Variants in CNTN5 observed in about 807,000 individuals in gnomAD.
The protein encoded by CNTN5 is contactin-5.
A neutral mutation model predicts 129.1 loss-of-function variants in CNTN5; 77 were observed. The observed-to-expected ratio is 0.60, with a 90% CI of 0.50 to 0.72. The LOEUF (loss-of-function observed/expected upper bound fraction) is 0.72. Among genes scored for constraint, CNTN5 ranks in the 30% least tolerant of loss-of-function variants. CNTN5 has a pLI of 0.00. For missense variants in CNTN5, 1,478 were observed against 1,328.8 expected (o/e 1.11, Z -1.75); for synonymous variants, 509 against 465.6 (o/e 1.09, Z -1.20).
intron 15 of CNTN5, among the ~76,000 whole-genome samples, chr11:100,208,942 C>G (rs1056755151): frequency 1.3e-5 from 2 of 152,282 alleles, no homozygotes; most frequent in East Asian, 3.9e-4. Flanking sequence ...TGGCTTGTCT[C>G]TACTCTAAGT....
intron 1 of CNTN5, among the ~76,000 whole-genome samples, chr11:99,215,957 A>C (rs1860094762): frequency 6.6e-6 from 1 of 152,210 alleles, no homozygotes; most frequent in South Asian, 2.1e-4. Context: ...ACAGGAACAC[A>C]CTGTGTAATG....
chr11:100,350,304 T>A (rs190539073), intron 23 of CNTN5, among the ~76,000 whole-genome samples: 1 of 151,732 alleles, frequency 6.6e-6, no homozygotes, highest in African/African-American at 2.4e-5. Flanking sequence ...TTCTCTAGCC[T>A]CATTCCTCAC....
At chr11:99,435,508 G>T (rs1943564294) in intron 2 of CNTN5, among the ~76,000 whole-genome samples, 1 of 152,110 alleles carries the variant, frequency 6.6e-6, no homozygotes, top group African/African-American at 2.4e-5. Flanking sequence ...AGACAGAAAT[G>T]ACATACGTCT....
At chr11:100,169,337 C>T (rs1443295229) in intron 13 of CNTN5, among the ~76,000 whole-genome samples, 2 of 151,870 alleles carry the variant, frequency 1.3e-5, no homozygotes, top group East Asian at 1.9e-4. Context: ...CAAACTGTAT[C>T]GTTGTCTTAT....
chr11:99,958,891 C>A (rs530561684), intron 8 of CNTN5, among the ~76,000 whole-genome samples: 2 of 152,082 alleles, frequency 1.3e-5, no homozygotes, highest in Non-Finnish European at 2.9e-5. Flanking sequence ...GCTCTTCCAC[C>A]TTCTTTTCAC....
At chr11:99,529,403 A>G (rs1208526250) in intron 2 of CNTN5, among the ~76,000 whole-genome samples, 1 of 152,244 alleles carries the variant, frequency 6.6e-6, no homozygotes, top group East Asian at 1.9e-4. Context: ...ACCATACTTC[A>G]TTTCCAAATA....
chr11:99,921,494 T>G (rs555068703), intron 7 of CNTN5, among the ~76,000 whole-genome samples: 5 of 152,216 alleles, frequency 3.3e-5, no homozygotes, highest in South Asian at 2.1e-4. Flanking sequence ...CTTCCTCTTT[T>G]GATTTCTACT....
intron 3 of CNTN5, among the ~76,000 whole-genome samples, chr11:99,740,410 T>C (rs1364866209): frequency 2.0e-5 from 3 of 152,218 alleles, no homozygotes; most frequent in Non-Finnish European, 4.4e-5. Flanking sequence ...TGAGGCATTA[T>C]CATAGTATTG....
At chr11:99,752,664 T>A (rs1944273404) in intron 3 of CNTN5, among the ~76,000 whole-genome samples, 1 of 152,216 alleles carries the variant, frequency 6.6e-6, no homozygotes, top group African/African-American at 2.4e-5. Flanking sequence ...ATTTATAGTT[T>A]TCTACATAAA....
intron 8 of CNTN5, among the ~76,000 whole-genome samples, chr11:99,973,100 A>G (rs1937688743): frequency 6.6e-6 from 1 of 152,110 alleles, no homozygotes; most frequent in Non-Finnish European, 1.5e-5. Context: ...AGGGAATCTC[A>G]CTAAAAATAC....
intron 7 of CNTN5, among the ~76,000 whole-genome samples, chr11:99,948,126 C>CT (rs1379791428): frequency 6.6e-6 from 1 of 152,182 alleles, no homozygotes; most frequent in Non-Finnish European, 1.5e-5. Flanking sequence ...ACACTGTCAT[C>CT]TTGTGGACTG....
chr11:99,470,350 C>G (rs2135272005), intron 2 of CNTN5, among the ~76,000 whole-genome samples: 1 of 152,230 alleles, frequency 6.6e-6, no homozygotes, highest in East Asian at 1.9e-4. Context: ...TACTTATACT[C>G]TTTCTTGTTC....
intron 3 of CNTN5, among the ~76,000 whole-genome samples, chr11:99,625,740 G>A (rs1951102498): frequency 1.3e-5 from 2 of 150,594 alleles, no homozygotes; most frequent in African/African-American, 2.4e-5. Flanking sequence ...GTGAGGTAAT[G>A]AAACTATTGA....
At chr11:99,782,001 A>G (rs1168531590) in intron 3 of CNTN5, among the ~76,000 whole-genome samples, 2 of 151,272 alleles carry the variant, frequency 1.3e-5, no homozygotes, top group East Asian at 4.0e-4. Flanking sequence ...AGAAGGAAAT[A>G]AAAGGTATTC....
intron 1 of CNTN5, among the ~76,000 whole-genome samples, chr11:99,214,148 G>A (rs894344564): frequency 6.6e-6 from 1 of 151,998 alleles, no homozygotes; most frequent in African/African-American, 2.4e-5. Flanking sequence ...AGGCTTCCCA[G>A]GGGAAGTACA....
intron 1 of CNTN5, among the ~76,000 whole-genome samples, chr11:99,248,521 A>G (rs961281205): frequency 6.6e-6 from 1 of 152,014 alleles, no homozygotes; most frequent in Non-Finnish European, 1.5e-5. Context: ...GGTGTTTTAG[A>G]CATGAAGTCC....
chr11:99,486,111 T>C (rs147788178), intron 2 of CNTN5, among the ~76,000 whole-genome samples: 24 of 152,194 alleles, frequency 1.6e-4, no homozygotes, highest in South Asian at 6.2e-4. Context: ...TTCATTCTTA[T>C]AATTTATTTG....
intron 1 of CNTN5, among the ~76,000 whole-genome samples, chr11:99,076,132 G>A (rs1310476193): frequency 6.6e-6 from 1 of 151,988 alleles, no homozygotes; most frequent in African/African-American, 2.4e-5. Flanking sequence ...TCAGGAGTTT[G>A]AGACCAACCT....
intron 3 of CNTN5, among the ~76,000 whole-genome samples, chr11:99,803,984 A>G (rs1465159274): frequency 6.6e-6 from 1 of 152,190 alleles, no homozygotes; most frequent in African/African-American, 2.4e-5. Context: ...AATGAGATGA[A>G]AAACTATGAG....
Sources: allele counts gnomAD v4.1 joint callset (sites outside exome capture counted in the v4.1 genomes callset), GRCh38; gene constraint gnomAD v4.1.1; transcripts MANE v1.5; gene names NCBI Gene and HGNC (gene_info 2026-07-23, HGNC 2026-07-21).